PLA2G2F: variants seen among roughly 807,000 people sequenced by gnomAD.
PLA2G2F encodes phospholipase A2 group IIF.
In PLA2G2F, 17 loss-of-function variants were observed where a neutral mutation model predicts 15.9. That is an observed-to-expected ratio of 1.07 (90% CI 0.73 to 1.60). The LOEUF (loss-of-function observed/expected upper bound fraction) is 1.60. Ranked by LOEUF, PLA2G2F falls within the 40% of genes most tolerant of loss-of-function variation. The pLI is 0.00. For missense variants in PLA2G2F, 299 were observed against 278.2 expected, an observed-to-expected ratio of 1.07 and a Z score of -0.53; for synonymous variants, 119 against 106.5, an observed-to-expected ratio of 1.12 and a Z score of -0.72.
chr1:20,139,564 G>A (rs1412218207), intron 1 of PLA2G2F, 21 bp downstream of exon 1: 5 of 1,463,062 alleles, frequency 3.4e-6, no homozygotes, highest in Non-Finnish European at 4.6e-6. Context: ...GTTGCCCTGA[G>A]ATGGAATCCT....
At position 20,149,090 on chromosome 1, in the gene PLA2G2F, C is replaced by T. The variant is rs188233386; in HGVS notation, c.*689C>T. 461 of 152,874 alleles carry T rather than the reference C, an allele frequency of 3.0e-3. 1 individual carries two copies. The highest frequency in any genetic ancestry group is 5.3e-3 in the Non-Finnish European group (363 of 68,508). The allele number at this position is 152,874 out of a possible 1,614,324, so 9.5% of individuals were successfully genotyped here. On this transcript the variant is annotated 3_prime_UTR_variant, in exon 5 of 5. Transcript: ENST00000375102. Reference sequence around the variant, plus strand: ...TGACAGAGCCACACACCCAGGTACACCCCCCAGGCTAATATGGGGACACAC... The same window carrying T: ...TGACAGAGCCACACACCCAGGTACATCCCCCAGGCTAATATGGGGACACAC...
chr1:20,146,786 G>A (rs11583904), intron 4 of PLA2G2F, among the ~76,000 whole-genome samples: 18,871 of 152,214 alleles, frequency 0.12, 1,280 homozygotes, highest in Middle Eastern at 0.16. Context: ...CAAACATGAG[G>A]TGGAGGGGCT....
At position 20,139,887 on chromosome 1, in the gene PLA2G2F, T is replaced by C. The variant is rs1006344110; in HGVS notation, c.117-279T>C. 2.0e-5 allele frequency among the ~76,000 whole-genome samples: 3 copies of C among 152,126 alleles called. No individual in the cohort carries two copies. In the East Asian group the frequency reaches 5.8e-4, roughly 29 times the overall value. ...TAGTGTGTGCATGGGAGGTCTGGCCTGAGACAGCAGGCTTCCTGTCCTGAA... is the reference window on the plus strand; with the variant it reads ...TAGTGTGTGCATGGGAGGTCTGGCCCGAGACAGCAGGCTTCCTGTCCTGAA... On this transcript the variant is annotated intron_variant, in intron 1 of 4. Coordinates refer to ENST00000375102, the MANE Select transcript of PLA2G2F (RefSeq NM_022819.4).
intron 4 of PLA2G2F, 112 bp downstream of exon 4, chr1:20,144,801 G>A: frequency 1.1e-6 from 1 of 936,952 alleles, no homozygotes; most frequent in Non-Finnish European, 1.6e-6. Context: ...TGCCAGCCGG[G>A]TGCGGTGGCT....
chr1:20,139,445 G>A lies in PLA2G2F; in HGVS notation c.18G>A (p.Lys6=). Residue 6 remains lysine (K), a synonymous_variant, in exon 1 of 5, where the codon AAG becomes AAA. Transcript: ENST00000375102. ...CCCGCAACATGGCAGATGGGGCAAA[G>A]GCCAACCCCAAAGGGTTCAAAAAGA... MADGA[K]ANPKGFKKKV... The A allele has an allele frequency of 2.6e-6, 4 of 1,565,862 alleles. No homozygotes were observed. Among genetic ancestry groups the A allele is most frequent in the Non-Finnish European group, 1.7e-6 (2 of 1,154,076 alleles).
chr1:20,139,794 G>A (rs955331115), intron 1 of PLA2G2F, among the ~76,000 whole-genome samples: 4 of 152,288 alleles, frequency 2.6e-5, no homozygotes. Context: ...CAGGGACCTA[G>A]GACTCCTGGC....
intron 2 of PLA2G2F, chr1:20,140,974 A>G (rs1218077811): frequency 6.6e-6 from 1 of 152,204 alleles, no homozygotes; most frequent in Non-Finnish European, 1.5e-5. Context: ...CTGGCCTTGC[A>G]TGCAGCCTGT....
rs765044453 is a variant in PLA2G2F at position 20,143,554 on chromosome 1, TG to T, written c.284del (p.Gly95AlafsTer45). 4 of 1,613,920 alleles carry T rather than the reference TG, an allele frequency of 2.5e-6. No homozygotes were observed. Among genetic ancestry groups the T allele is most frequent in the East Asian group, 2.2e-5 (1 of 44,856 alleles). ...GTGGGCTACGGTTGCTACTGTGGGCTGGGGGGCCGTGGCCAGCCCAAGGATG... is the reference window on the plus strand; with the variant it reads ...GTGGGCTACGGTTGCTACTGTGGGCTGGGGGCCGTGGCCAGCCCAAGGATG... Reference protein sequence around the residue: ...SFVGYGCYCGLGGRGQPKDEV... With the variant: ...SFVGYGCYCGXGGRGQPKDEV... On this transcript the variant is annotated frameshift_variant, in exon 3 of 5. Coordinates refer to ENST00000375102, the MANE Select transcript of PLA2G2F (RefSeq NM_022819.4). LOFTEE classifies it high-confidence loss of function.
chr1:20,139,501 G>C lies in PLA2G2F; in HGVS notation c.74G>C (p.Arg25Thr), dbSNP rs2017415030. Residue 25 changes from arginine to threonine, a missense_variant, in exon 1 of 5, where the codon AGG (arginine) becomes ACG (threonine). Transcript: ENST00000375102. The stretch of plus-strand genomic sequence containing the variant: ...CTGGATAGATGCTTCTCTGGGTGGA[G>C]GGGCCCACGCTTCGGGGCCTCCTGT... ...KVLDRCFSGW[R>T]GPRFGASCPS... is the part of the protein sequence containing the mutation. The C allele has an allele frequency of 2.5e-6, 4 of 1,579,180 alleles. No individual in the cohort carries two copies. Among genetic ancestry groups the C allele is most frequent in the Non-Finnish European group, 3.4e-6 (4 of 1,161,758 alleles).
rs757079323 is a variant in PLA2G2F, at chr1:20,139,438, G to A, written c.11G>A (p.Gly4Glu). Reference protein sequence around the residue: MADGAKANPKGFKK... With the variant: MADEAKANPKGFKK... ...CCCAGAACCCGCAACATGGCAGATG[G>A]GGCAAAGGCCAACCCCAAAGGGTTC... Residue 4 changes from glycine to glutamate, a missense_variant, in exon 1 of 5, where the codon GGG becomes GAG. Coordinates refer to ENST00000375102, the MANE Select transcript of PLA2G2F (RefSeq NM_022819.4). 5.1e-6 allele frequency: 8 copies of A among 1,560,976 alleles called. No individual in the cohort carries two copies. Among genetic ancestry groups the A allele is most frequent in the Admixed American group, 1.9e-5 (1 of 52,630 alleles).
rs915289729 is a variant in PLA2G2F, at chr1:20,143,329, T to C, written c.170-117T>C. On this transcript the variant is annotated intron_variant, in intron 2 of 4. Coordinates refer to ENST00000375102, the MANE Select transcript of PLA2G2F (RefSeq NM_022819.4). ...GCTTCCTCTCCTGCTTTCTCCTTCCTTCTCCCACCTACCCTAGGTATTGGG... is the reference window on the plus strand; with the variant it reads ...GCTTCCTCTCCTGCTTTCTCCTTCCCTCTCCCACCTACCCTAGGTATTGGG... The C allele has an allele frequency of 1.0e-5, 14 of 1,347,362 alleles. No homozygotes were observed. In the African/African-American group the frequency reaches 2.1e-4, roughly 20 times the overall value. The allele number at this position is 1,347,362 out of a possible 1,614,324, so 83.5% of individuals were successfully genotyped here.
chr1:20,148,076 C>A, intron 4 of PLA2G2F, 114 bp from the exon 5 acceptor site: 1 of 871,728 alleles, frequency 1.1e-6, no homozygotes, highest in Non-Finnish European at 1.9e-6. Context: ...CCAGGTAACA[C>A]ATTCCAAGGA....
intron 3 of PLA2G2F, 94 bp downstream of exon 3, chr1:20,143,684 C>T: frequency 2.1e-6 from 3 of 1,437,058 alleles, no homozygotes; most frequent in Non-Finnish European, 2.8e-6. Flanking sequence ...TGGGGGAGAC[C>T]TTCTTTCCCC....
chr1:20,145,002 T>C (rs918271325), intron 4 of PLA2G2F, among the ~76,000 whole-genome samples: 4 of 151,968 alleles, frequency 2.6e-5, no homozygotes, highest in African/African-American at 9.7e-5. Flanking sequence ...ACTTTGAACT[T>C]GGGAGGCAGA....
At chr1:20,144,886 G>T (rs965159893) in intron 4 of PLA2G2F, among the ~76,000 whole-genome samples, 197 bp downstream of exon 4, 2 of 152,200 alleles carry the variant, frequency 1.3e-5, no homozygotes, top group Non-Finnish European at 2.9e-5. Context: ...AGACCATCCT[G>T]GCTAATGTGG....
chr1:20,148,497 G>A lies in PLA2G2F; in HGVS notation c.*96G>A, dbSNP rs908788405. 2.9e-6 allele frequency: 3 copies of A among 1,029,324 alleles called. No individual in the cohort carries two copies. Among genetic ancestry groups the A allele is most frequent in the Admixed American group, 2.1e-5 (1 of 46,956 alleles). The allele number at this position is 1,029,324 out of a possible 1,614,324, so 63.8% of individuals were successfully genotyped here. ...TAGGAGCCAGGCCAGGAGCCTGAGG[G>A]TTGCTGGTTGCCTCCTCCCTGGAGC... is the stretch of plus-strand genomic sequence containing the variant. On this transcript the variant is annotated 3_prime_UTR_variant, in exon 5 of 5. Coordinates refer to ENST00000375102, the MANE Select transcript of PLA2G2F (RefSeq NM_022819.4).
In PLA2G2F at chr1:20,139,423, G is replaced by T; in HGVS notation, c.-5G>T. The T allele has an allele frequency of 6.4e-7, 1 of 1,553,876 alleles. No individual in the cohort carries two copies. The highest frequency in any genetic ancestry group is 1.4e-5 in the African/African-American group (1 of 73,340). Reference sequence around the variant, plus strand: ...CTATGTTGCTGGCCCCCCAGAACCCGCAACATGGCAGATGGGGCAAAGGCC... The same window carrying T: ...CTATGTTGCTGGCCCCCCAGAACCCTCAACATGGCAGATGGGGCAAAGGCC... On this transcript the variant is annotated 5_prime_UTR_variant, in exon 1 of 5. Coordinates refer to ENST00000375102, the MANE Select transcript of PLA2G2F (RefSeq NM_022819.4).
At chr1:20,144,770 C>G in intron 4 of PLA2G2F, 81 bp downstream of exon 4, 1 of 1,247,510 alleles carries the variant, frequency 8.0e-7, no homozygotes, top group Non-Finnish European at 1.1e-6. Flanking sequence ...GGTGGACAGG[C>G]TTGCCAGATT....
At chr1:20,145,288 T>A (rs1467829129) in intron 4 of PLA2G2F, among the ~76,000 whole-genome samples, 1 of 151,356 alleles carries the variant, frequency 6.6e-6, no homozygotes, top group African/African-American at 2.4e-5. Context: ...ACATGTATTT[T>A]TTTTTTTTTT....
Sources: gnomAD v4.1 joint callset for allele counts (sites outside exome capture counted in the v4.1 genomes callset) on GRCh38, gnomAD v4.1.1 for gene constraint, MANE v1.5 for transcripts, NCBI Gene and HGNC (gene_info 2026-07-23, HGNC 2026-07-21) for gene names.